CRACR2A: variants seen among roughly 807,000 people sequenced by gnomAD.
CRACR2A encodes the protein calcium release activated channel regulator 2A.
Under a neutral mutation model 90.5 loss-of-function variants are expected in CRACR2A, and 79 were observed. That is an observed-to-expected ratio of 0.87 (90% CI 0.73 to 1.05). The LOEUF (loss-of-function observed/expected upper bound fraction) is 1.05, where lower values mean the gene tolerates loss of function less well. CRACR2A is among the 50% of genes least tolerant of loss of function. CRACR2A has a pLI of 0.00. For synonymous variants in CRACR2A, 338 were observed against 356.7 expected, an observed-to-expected ratio of 0.95 and a Z score of 0.59; for missense variants, 823 against 897.2, an observed-to-expected ratio of 0.92 and a Z score of 1.06.
intron 6 of CRACR2A, among the ~76,000 whole-genome samples, chr12:3,677,495 C>T (rs1280041379): frequency 6.6e-6 from 1 of 152,218 alleles, no homozygotes; most frequent in Non-Finnish European, 1.5e-5. Flanking sequence ...GAGAACCTTG[C>T]CAGTAAGGCT....
chr12:3,634,870 TAAC>T (rs1255815655), intron 14 of CRACR2A, among the ~76,000 whole-genome samples: 1 of 151,932 alleles, frequency 6.6e-6, no homozygotes, highest in Non-Finnish European at 1.5e-5. Flanking sequence ...AAAAAAAAAA[TAAC>T]AACCAACCTG....
At chr12:3,742,276 C>T (rs1236628639) in intron 1 of CRACR2A, among the ~76,000 whole-genome samples, 1 of 152,208 alleles carries the variant, frequency 6.6e-6, no homozygotes, top group Non-Finnish European at 1.5e-5. Flanking sequence ...TGGTGGATAA[C>T]TGTATAAGGA....
chr12:3,688,037 CTTGT>C lies in CRACR2A; in HGVS notation c.229-7692_229-7689del, dbSNP rs369916544. On this transcript the variant is annotated intron_variant, in intron 4 of 19. Transcript: ENST00000440314. ...TTTTGCCCACTTTTTTATGGGATTG[CTTGT>C]TTCTTTCTTATAAATTTGTGTAAGT... is the stretch of plus-strand genomic sequence containing the variant. Among the ~76,000 whole-genome samples, 295 of 151,954 alleles carry C rather than the reference CTTGT, an allele frequency of 1.9e-3. 2 individuals carry two copies. The highest frequency in any genetic ancestry group is 0.014 in the Middle Eastern group (4 of 294).
chr12:3,642,737 T>C (rs1355569281), intron 12 of CRACR2A, among the ~76,000 whole-genome samples: 1 of 152,142 alleles, frequency 6.6e-6, no homozygotes, highest in Non-Finnish European at 1.5e-5. Context: ...ACTACTAACA[T>C]CTGTAACACA....
intron 4 of CRACR2A, among the ~76,000 whole-genome samples, chr12:3,693,667 T>C (rs141365337): frequency 1.2e-3 from 181 of 152,358 alleles, no homozygotes; most frequent in African/African-American, 4.1e-3. Context: ...GGGTTTCTAC[T>C]GAGAAGTCTG....
chr12:3,619,764 C>A (rs1944098291), intron 17 of CRACR2A, among the ~76,000 whole-genome samples: 1 of 152,224 alleles, frequency 6.6e-6, no homozygotes, highest in Non-Finnish European at 1.5e-5. Flanking sequence ...CCTAATTGGC[C>A]AGGCTTAGTC....
intron 15 of CRACR2A, among the ~76,000 whole-genome samples, chr12:3,629,629 C>T (rs921107196): frequency 6.6e-6 from 1 of 152,212 alleles, no homozygotes; most frequent in Non-Finnish European, 1.5e-5. Flanking sequence ...TGGCTGCCCT[C>T]AGCTCCTGGT....
chr12:3,679,539 G>A (rs1427554035), intron 5 of CRACR2A, among the ~76,000 whole-genome samples: 6 of 152,138 alleles, frequency 3.9e-5, no homozygotes, highest in African/African-American at 1.4e-4. Flanking sequence ...ACAGTTTCCA[G>A]TGTACTTCCT....
rs189579856 is a variant in CRACR2A, at chr12:3,645,571, T to A, written c.1119-931A>T. Among the ~76,000 whole-genome samples the A allele has an allele frequency of 7.5e-3, 1,142 of 152,262 alleles. 10 individuals are homozygous for A. The highest frequency in any genetic ancestry group is 0.013 in the South Asian group (62 of 4,814). Reference sequence around the variant, plus strand: ...AGATCTGGCTTCAGTTTTCAAAGGATCCCTCTGGATGGGTGCTAAGAACAG... The same window carrying A: ...AGATCTGGCTTCAGTTTTCAAAGGAACCCTCTGGATGGGTGCTAAGAACAG... On this transcript the variant is annotated intron_variant, in intron 11 of 19. Transcript: ENST00000440314.
At chr12:3,617,099 A>T in intron 18 of CRACR2A, 69 bp from the exon 19 acceptor site, 2 of 1,226,730 alleles carry the variant, frequency 1.6e-6, no homozygotes, top group Non-Finnish European at 2.3e-6. Context: ...GTGGTGGGAG[A>T]GCCCCCTTGT....
rs1369249409 is a variant in CRACR2A, at chr12:3,679,084, TGAA to T, written c.352_354del (p.Phe118del). The T allele has an allele frequency of 6.2e-7, 1 of 1,612,628 alleles. No homozygotes were observed. Among genetic ancestry groups the T allele is most frequent in the South Asian group, 1.1e-5 (1 of 90,794 alleles). Reference sequence around the variant, plus strand: ...TCTTCCTGACTTGGGTTATTCTGGCTGAAGAAGAAGTGACCTGGGGGGTGCAGG... The same window carrying T: ...TCTTCCTGACTTGGGTTATTCTGGCTGAAGAAGTGACCTGGGGGGTGCAGG... On this transcript the variant is annotated inframe_deletion, in exon 6 of 20. Transcript: ENST00000440314.
At position 3,648,533 on chromosome 12, in the gene CRACR2A, C is replaced by T; in HGVS notation, c.1118+9G>A. The T allele has an allele frequency of 2.5e-6, 4 of 1,614,212 alleles. No individual in the cohort carries two copies. Among genetic ancestry groups the T allele is most frequent in the Non-Finnish European group, 3.4e-6 (4 of 1,180,042 alleles). ...TGCTCTCAGCACAGGCCAGTGCCCA[C>T]CGACGCACCTTAGGAAATCCAGCTG... On this transcript the variant is annotated intron_variant, in intron 11 of 19. Coordinates refer to ENST00000440314, the MANE Select transcript of CRACR2A (RefSeq NM_001144958.2).
chr12:3,651,291 G>T (rs1314565715), intron 10 of CRACR2A, among the ~76,000 whole-genome samples: 1 of 152,248 alleles, frequency 6.6e-6, no homozygotes, highest in Non-Finnish European at 1.5e-5. Flanking sequence ...GCGTGTGCAC[G>T]TGTGTGCACG....
intron 15 of CRACR2A, 125 bp from the exon 16 acceptor site, chr12:3,627,831 G>T: frequency 1.0e-6 from 1 of 965,946 alleles, no homozygotes; most frequent in Non-Finnish European, 1.6e-6. Context: ...TCCATGTGCA[G>T]CTCGTGGGAG....
chr12:3,707,586 T>C (rs578209619), intron 3 of CRACR2A, among the ~76,000 whole-genome samples: 1 of 152,382 alleles, frequency 6.6e-6, no homozygotes, highest in African/African-American at 2.4e-5. Flanking sequence ...CACAGCATGG[T>C]ATCTGGTGGT....
chr12:3,624,913 A>G (rs914750944), intron 17 of CRACR2A, among the ~76,000 whole-genome samples: 1 of 152,244 alleles, frequency 6.6e-6, no homozygotes, highest in African/African-American at 2.4e-5. Flanking sequence ...CTGAGAATCA[A>G]AATTCCCTGG....
intron 17 of CRACR2A, among the ~76,000 whole-genome samples, chr12:3,622,705 TG>T (rs754957252): frequency 3.9e-5 from 6 of 152,172 alleles, no homozygotes; most frequent in Non-Finnish European, 8.8e-5. Context: ...GCTGGGATAG[TG>T]CTGCTATTTC....
intron 2 of CRACR2A, among the ~76,000 whole-genome samples, chr12:3,724,273 G>T (rs1303056026): frequency 1.3e-5 from 2 of 152,240 alleles, no homozygotes; most frequent in African/African-American, 4.8e-5. Context: ...ACAAGATCCA[G>T]AAATGAGATT....
At chr12:3,618,772 G>T (rs1183535555) in intron 18 of CRACR2A, among the ~76,000 whole-genome samples, 2 of 152,140 alleles carry the variant, frequency 1.3e-5, no homozygotes, top group Non-Finnish European at 2.9e-5. Flanking sequence ...TGAGCAAGGG[G>T]CTCCATGCTT....
Sources: allele counts gnomAD v4.1 joint callset (sites outside exome capture counted in the v4.1 genomes callset), GRCh38; gene constraint gnomAD v4.1.1; transcripts MANE v1.5; gene names NCBI Gene and HGNC (gene_info 2026-07-23, HGNC 2026-07-21).